Variants in RIMKLB observed in about 807,000 individuals in gnomAD.
The protein encoded by RIMKLB is beta-citrylglutamate synthase B.
Under a neutral mutation model 32.0 loss-of-function variants are expected in RIMKLB, and 7 were observed. The observed-to-expected ratio is 0.22, with a 90% CI of 0.12 to 0.41. The LOEUF (loss-of-function observed/expected upper bound fraction) is 0.41, where lower values mean the gene tolerates loss of function less well. Ranked by LOEUF, RIMKLB falls within the 10% of genes least tolerant of loss-of-function variation. The probability of loss-of-function intolerance (pLI) is 1.00; values close to 1 mark genes in which losing one functional copy is unlikely to be tolerated. For synonymous variants in RIMKLB, 172 were observed against 185.1 expected, an observed-to-expected ratio of 0.93 and a Z score of 0.57; for missense variants, 289 against 498.7, an observed-to-expected ratio of 0.58 and a Z score of 4.00.
At chr12:8,732,679 A>T (rs1946646657) in intron 2 of RIMKLB, among the ~76,000 whole-genome samples, 1 of 152,248 alleles carries the variant, frequency 6.6e-6, no homozygotes, top group East Asian at 1.9e-4. Context: ...CTTTGTGAAG[A>T]TAATGCCCAT....
chr12:8,736,587 C>T (rs191501263), intron 2 of RIMKLB, among the ~76,000 whole-genome samples: 2 of 148,426 alleles, frequency 1.3e-5, no homozygotes, highest in African/African-American at 5.0e-5. Context: ...GTGATCACAG[C>T]TCACTGCAAC....
At position 8,773,479 on chromosome 12, in the gene RIMKLB, G is replaced by A. The variant is rs767902044; in HGVS notation, c.856G>A (p.Ala286Thr). 6.2e-6 allele frequency: 10 copies of A among 1,614,068 alleles called. No homozygotes were observed. The highest frequency in any genetic ancestry group is 7.6e-6 in the Non-Finnish European group (9 of 1,180,026). ...GGCCAATGCAAATGTAGGTTTCATC[G>A]CCTTTGATAAGGCTTGTAATCTAGA... Reference protein sequence around the residue: ...CEANANVGFIAFDKACNLDVA... With the variant: ...CEANANVGFITFDKACNLDVA... Residue 286 changes from alanine (A) to threonine (T), a missense_variant, in exon 6 of 6, where the codon GCC (alanine) becomes ACC (threonine). This residue lies in a region of RIMKLB where 99 missense variants were observed against 133.9 expected (regional missense o/e 0.74). Coordinates refer to ENST00000535829, the MANE Select transcript of RIMKLB (RefSeq NM_001297776.2).
At chr12:8,691,837 CATTT>C (rs1014626190) in intron 1 of RIMKLB, among the ~76,000 whole-genome samples, 1 of 152,120 alleles carries the variant, frequency 6.6e-6, no homozygotes, top group African/African-American at 2.4e-5. Context: ...TTCATTCATT[CATTT>C]AATCTGTAAA....
At chr12:8,757,373 A>T (rs937977309) in intron 5 of RIMKLB, among the ~76,000 whole-genome samples, 3 of 151,420 alleles carry the variant, frequency 2.0e-5, no homozygotes, top group Non-Finnish European at 4.4e-5. Flanking sequence ...ATAAAAAATT[A>T]ATTAATTAAA....
At chr12:8,725,718 T>C (rs1945919813) in intron 2 of RIMKLB, among the ~76,000 whole-genome samples, 1 of 152,220 alleles carries the variant, frequency 6.6e-6, no homozygotes, top group African/African-American at 2.4e-5. Flanking sequence ...TGTTCAGGTA[T>C]GTGTGGGCAT....
Position 8,762,602 on chromosome 12 carries a change from G to A in RIMKLB, c.697+8509G>A, listed in dbSNP as rs766206606. On this transcript the variant is annotated intron_variant, in intron 5 of 5. Transcript: ENST00000535829. Reference sequence around the variant, plus strand: ...TTGATAGGTGTTCCTTGGAAGTTAGGAATTCCCTTTCTCTCCATATTGCTG... The same window carrying A: ...TTGATAGGTGTTCCTTGGAAGTTAGAAATTCCCTTTCTCTCCATATTGCTG... Among the ~76,000 whole-genome samples the A allele has an allele frequency of 3.9e-5, 6 of 152,232 alleles. No individual in the cohort carries two copies. In the South Asian group the frequency reaches 1.2e-3, roughly 32 times the overall value.
intron 1 of RIMKLB, among the ~76,000 whole-genome samples, chr12:8,702,732 C>T (rs750546469): frequency 6.6e-6 from 1 of 152,188 alleles, no homozygotes; most frequent in Non-Finnish European, 1.5e-5. Flanking sequence ...TTGGAGTTCT[C>T]AGTTGTTAGT....
At chr12:8,779,953 C>T (rs1477937485), downstream of RIMKLB, 1 of 152,136 alleles carries the variant, frequency 6.6e-6, no homozygotes, top group Admixed American at 6.5e-5. Flanking sequence ...TTTTAAAAGA[C>T]TTAATGAATT....
At chr12:8,682,554 C>T (rs1010676231) in intron 1 of RIMKLB, among the ~76,000 whole-genome samples, 1 of 151,910 alleles carries the variant, frequency 6.6e-6, no homozygotes, top group African/African-American at 2.4e-5. Flanking sequence ...GGGCGGATAA[C>T]GAGGTCAGGA....
chr12:8,718,458 A>G (rs1032963344), intron 2 of RIMKLB, among the ~76,000 whole-genome samples: 10 of 152,232 alleles, frequency 6.6e-5, no homozygotes, highest in African/African-American at 2.4e-4. Flanking sequence ...ATCCTGGCCA[A>G]CATGGTGAAA....
At position 8,733,880 on chromosome 12, in the gene RIMKLB, G is replaced by A. The variant is rs543018233; in HGVS notation, c.176-15982G>A. ...GGTGACACAGTGAGACCCTGTCTCT[G>A]GATAGATGATAGGTGATTGTTAGAT... On this transcript the variant is annotated intron_variant, in intron 2 of 5. Transcript: ENST00000535829. Among the ~76,000 whole-genome samples the A allele has an allele frequency of 3.3e-5, 5 of 152,010 alleles. No homozygotes were observed. In the South Asian group the frequency reaches 1.0e-3, roughly 32 times the overall value.
chr12:8,733,696 G>GGCTATGTTTAT, intron 2 of RIMKLB, among the ~76,000 whole-genome samples: 1 of 152,246 alleles, frequency 6.6e-6, no homozygotes, highest in East Asian at 1.9e-4. Context: ...AACATAGCAA[G>GGCTATGTTTAT]ACCTTGTCAC....
chr12:8,781,283 A>C (rs1336815632), downstream of RIMKLB, among the ~76,000 whole-genome samples: 3 of 152,226 alleles, frequency 2.0e-5, no homozygotes, highest in African/African-American at 7.2e-5. Context: ...CAGAGGTTGC[A>C]GTGAGTGGAG....
intron 2 of RIMKLB, among the ~76,000 whole-genome samples, chr12:8,736,833 C>T (rs1012861451): frequency 4.0e-5 from 6 of 151,498 alleles, no homozygotes; most frequent in East Asian, 1.9e-4. Context: ...TTTTTTGAGA[C>T]GGAGTTTCGC....
upstream of RIMKLB, among the ~76,000 whole-genome samples, chr12:8,694,379 C>T (rs1047737681): frequency 2.7e-5 from 4 of 147,640 alleles, no homozygotes; most frequent in Admixed American, 6.7e-5. Context: ...CACTCAACAT[C>T]CTGTTGAATT....
chr12:8,763,693 G>C lies in RIMKLB; in HGVS notation c.697+9600G>C, dbSNP rs1949717963. ...TGGCGAGGAAGTTTAAAAGCGCTTGGGTGGCTTGATGACACAAGGTTTCTG... is the reference window on the plus strand; with the variant it reads ...TGGCGAGGAAGTTTAAAAGCGCTTGCGTGGCTTGATGACACAAGGTTTCTG... On this transcript the variant is annotated intron_variant, in intron 5 of 5. Coordinates refer to ENST00000535829, the MANE Select transcript of RIMKLB (RefSeq NM_001297776.2). Among the ~76,000 whole-genome samples the C allele has an allele frequency of 2.0e-5, 3 of 152,206 alleles. No homozygotes were observed. In the South Asian group the frequency reaches 6.2e-4, roughly 32 times the overall value.
chr12:8,716,862 T>G (rs1944906654), intron 2 of RIMKLB, among the ~76,000 whole-genome samples: 1 of 151,066 alleles, frequency 6.6e-6, no homozygotes, highest in South Asian at 2.1e-4. Flanking sequence ...TCAGTAGCTC[T>G]TTCTTTTTCA....
downstream of RIMKLB, chr12:8,777,541 T>C (rs144588791): frequency 6.2e-4 from 763 of 1,233,068 alleles, 8 homozygotes; most frequent in African/African-American, 0.011. Context: ...TTTTACATTG[T>C]TTTTAAAGAA....
chr12:8,726,511 G>A (rs1163417876), intron 2 of RIMKLB, among the ~76,000 whole-genome samples: 1 of 152,042 alleles, frequency 6.6e-6, no homozygotes, highest in Non-Finnish European at 1.5e-5. Context: ...AAATAATACA[G>A]CTGTTTTTCT....
Sources: allele counts gnomAD v4.1 joint callset (sites outside exome capture counted in the v4.1 genomes callset), GRCh38; gene constraint gnomAD v4.1.1; regional missense constraint gnomAD v4.1.1; transcripts MANE v1.5; gene names NCBI Gene and HGNC (gene_info 2026-07-23, HGNC 2026-07-21).